PRIM2: variants seen among roughly 807,000 people sequenced by gnomAD.
PRIM2 encodes DNA primase subunit 2.
PRIM2 carries 39 observed loss-of-function variants against 67.3 expected under a neutral mutation model. The ratio of observed to expected loss-of-function variants is 0.58; its 90% confidence interval spans 0.45 to 0.76. The LOEUF is 0.76. PRIM2 is among the 30% of genes least tolerant of loss of function. The pLI is 0.00. For missense variants in PRIM2, 398 were observed against 598.7 expected (o/e 0.66, Z 3.50); for synonymous variants, 143 against 198.7 (o/e 0.72, Z 2.36).
chr6:57,473,099 TGAA>T (rs1349667642), intron 7 of PRIM2, among the ~76,000 whole-genome samples: 6 of 152,230 alleles, frequency 3.9e-5, no homozygotes, highest in Non-Finnish European at 8.8e-5. Context: ...ATTCTCCCTT[TGAA>T]GAAGAATTGC....
chr6:57,321,495 CAGT>C (rs1314274484), intron 3 of PRIM2, among the ~76,000 whole-genome samples: 1 of 151,414 alleles, frequency 6.6e-6, no homozygotes, highest in Non-Finnish European at 1.5e-5. Flanking sequence ...GAAGAGATGA[CAGT>C]GGAAGTTAAG....
intron 5 of PRIM2, among the ~76,000 whole-genome samples, chr6:57,338,901 G>C (rs1361292367): frequency 6.6e-6 from 1 of 151,970 alleles, no homozygotes; most frequent in South Asian, 2.1e-4. Context: ...ATTAGGAAAA[G>C]AGGAAGTCAA....
chr6:57,339,742 C>T (rs1490920091), intron 5 of PRIM2, among the ~76,000 whole-genome samples: 1 of 152,136 alleles, frequency 6.6e-6, no homozygotes, highest in African/African-American at 2.4e-5. Flanking sequence ...AGACCTAAAA[C>T]CATAAAAACC....
intron 7 of PRIM2, among the ~76,000 whole-genome samples, chr6:57,475,580 GAAT>G (rs1275286579): frequency 6.6e-6 from 1 of 152,106 alleles, no homozygotes; most frequent in African/African-American, 2.4e-5. Flanking sequence ...GCATATACCA[GAAT>G]AATGACTGTT....
intron 7 of PRIM2, among the ~76,000 whole-genome samples, chr6:57,402,583 T>C (rs920073581): frequency 2.6e-5 from 4 of 151,976 alleles, no homozygotes; most frequent in African/African-American, 7.3e-5. Context: ...TTACAGAGAG[T>C]AGTAGATGTA....
At chr6:57,578,117 T>C (rs1213768007) in intron 10 of PRIM2, among the ~76,000 whole-genome samples, 32 of 152,180 alleles carry the variant, frequency 2.1e-4, no homozygotes, top group Admixed American at 2.1e-3. Context: ...ATTGAGGTCA[T>C]GCATTTTTGG....
intron 13 of PRIM2, among the ~76,000 whole-genome samples, chr6:57,638,483 G>A (rs1273137213): frequency 6.6e-5 from 10 of 150,766 alleles, no homozygotes; most frequent in Admixed American, 2.0e-4. Context: ...AAGACCCATC[G>A]GTGTGCTGTA....
rs571810167 is a variant in PRIM2, at chr6:57,437,210, G to A, written c.693+55042G>A. Among the ~76,000 whole-genome samples the A allele has an allele frequency of 1.3e-3, 191 of 152,240 alleles. 5 individuals carry two copies. The East Asian group carries it at 0.016, about 13-fold the overall frequency. On this transcript the variant is annotated intron_variant, in intron 7 of 13. Coordinates refer to ENST00000615550, the MANE Select transcript of PRIM2 (RefSeq NM_000947.5). ...ACTCAGTCACTGTTACAAGAGCAGC[G>A]CCAAGGGCATTGTGGTAAACCATTC...
At chr6:57,554,900 C>T (rs1775481874) in intron 10 of PRIM2, among the ~76,000 whole-genome samples, 1 of 152,182 alleles carries the variant, frequency 6.6e-6, no homozygotes, top group Non-Finnish European at 1.5e-5. Context: ...AGATCATTTG[C>T]TTTTCTGACT....
rs1235545684 is a variant in PRIM2 at position 57,379,763 on chromosome 6, T to C, written c.460-138T>C. ...ACTAATGATAGTGATTCAGATATCA[T>C]GTTAGAAATGATTTGAGATATCAAG... On this transcript the variant is annotated intron_variant, in intron 5 of 13. Coordinates refer to ENST00000615550, the MANE Select transcript of PRIM2 (RefSeq NM_000947.5). The C allele has an allele frequency of 8.4e-6, 6 of 715,132 alleles. No individual in the cohort carries two copies. In the East Asian group the frequency reaches 1.9e-4, roughly 22 times the overall value. 44.3% of individuals were successfully genotyped at this position (715,132 alleles called of 1,614,324 possible).
chr6:57,610,728 C>T (rs1776652864), intron 12 of PRIM2, among the ~76,000 whole-genome samples: 1 of 152,026 alleles, frequency 6.6e-6, no homozygotes, highest in Non-Finnish European at 1.5e-5. Context: ...TAATAGAGAA[C>T]TGAAAAGAGA....
At chr6:57,505,851 A>T (rs1356557118) in intron 7 of PRIM2, among the ~76,000 whole-genome samples, 1 of 152,158 alleles carries the variant, frequency 6.6e-6, no homozygotes. Flanking sequence ...GATTGACAGA[A>T]GTGACTGAAA....
At chr6:57,241,240 A>G in the PRIM2 span, among the ~76,000 whole-genome samples, 6 of 147,714 alleles carry the variant, frequency 4.1e-5, no homozygotes, top group South Asian at 2.2e-4. Context: ...AAAAAAAAAG[A>G]AAAAAAGAAA....
intron 9 of PRIM2, among the ~76,000 whole-genome samples, chr6:57,536,040 G>C (rs1380556537): frequency 4.6e-5 from 7 of 152,160 alleles, no homozygotes; most frequent in Non-Finnish European, 1.0e-4. Flanking sequence ...GAGCTGAAAG[G>C]CTTTCTAGTT....
intron 7 of PRIM2, among the ~76,000 whole-genome samples, chr6:57,438,589 T>G (rs1417890626): frequency 2.0e-5 from 3 of 152,174 alleles, no homozygotes; most frequent in Non-Finnish European, 4.4e-5. Flanking sequence ...TTAAATACTC[T>G]TGGAAAGACT....
intron 8 of PRIM2, among the ~76,000 whole-genome samples, chr6:57,519,014 C>T (rs1417146688): frequency 2.0e-5 from 3 of 152,136 alleles, no homozygotes; most frequent in African/African-American, 7.2e-5. Flanking sequence ...CCGGGGGAGA[C>T]ATCACATGTC....
At chr6:57,474,173 CTTTTTTTTTT>C (rs1158188964) in intron 7 of PRIM2, among the ~76,000 whole-genome samples, 4 of 63,970 alleles carry the variant, frequency 6.3e-5, no homozygotes, top group African/African-American at 2.0e-4. Context: ...ATTCTGCTAT[CTTTTTTTTTT>C]TTTTTTTTTT....
chr6:57,572,730 A>G (rs1324477463), intron 10 of PRIM2, among the ~76,000 whole-genome samples: 1 of 152,188 alleles, frequency 6.6e-6, no homozygotes, highest in East Asian at 1.9e-4. Flanking sequence ...ATAGCTAAGA[A>G]AGAGAGACCA....
chr6:57,604,367 G>A (rs1230448166), intron 11 of PRIM2, among the ~76,000 whole-genome samples: 2 of 152,092 alleles, frequency 1.3e-5, no homozygotes, highest in Non-Finnish European at 2.9e-5. Context: ...AGACTTTTTG[G>A]TGCATTCTTT....
Sources: allele counts gnomAD v4.1 joint callset (sites outside exome capture counted in the v4.1 genomes callset), GRCh38; gene constraint gnomAD v4.1.1; transcripts MANE v1.5; gene names NCBI Gene and HGNC (gene_info 2026-07-23, HGNC 2026-07-21).